The following DAB1 variants were observed in gnomAD, a reference collection of about 807,000 sequenced individuals.
The protein encoded by DAB1 is DAB adaptor protein 1, also known as disabled homolog 1.
Under a neutral mutation model 64.6 loss-of-function variants are expected in DAB1, and 15 were observed. The observed-to-expected ratio is 0.23, with a 90% CI of 0.16 to 0.36. DAB1 has a LOEUF of 0.36. Ranked by LOEUF, DAB1 falls within the 10% of genes least tolerant of loss-of-function variation. The pLI, the probability that DAB1 is intolerant of heterozygous loss-of-function variation, is 1.00. For missense variants in DAB1, 596 were observed against 706.7 expected, an observed-to-expected ratio of 0.84 and a Z score of 1.78; for synonymous variants, 235 against 251.9, an observed-to-expected ratio of 0.93 and a Z score of 0.64.
At chr1:57,105,414 T>C (rs965177938) in intron 4 of DAB1, among the ~76,000 whole-genome samples, 5 of 152,040 alleles carry the variant, frequency 3.3e-5, no homozygotes, top group African/African-American at 1.2e-4. Context: ...TGTGTGTGTA[T>C]TTTCCATCCC....
chr1:58,373,491 A>G (rs1644290377), intron 3 of DAB1, among the ~76,000 whole-genome samples: 1 of 151,492 alleles, frequency 6.6e-6, no homozygotes, highest in African/African-American at 2.4e-5. Context: ...GTCCCTACAA[A>G]GGACATGAAC....
intron 6 of DAB1, among the ~76,000 whole-genome samples, chr1:57,686,850 C>G (rs577963763): frequency 6.6e-6 from 1 of 152,118 alleles, no homozygotes; most frequent in Admixed American, 6.5e-5. Flanking sequence ...ATCCAACATC[C>G]TTTTTTATAA....
intron 3 of DAB1, among the ~76,000 whole-genome samples, chr1:58,392,308 T>C (rs1278627811): frequency 3.3e-5 from 5 of 152,344 alleles, no homozygotes; most frequent in Admixed American, 1.3e-4. Context: ...ATGTAACGGC[T>C]CTGCCATTCT....
At chr1:57,877,509 C>T (rs1644066548) in intron 1 of DAB1, among the ~76,000 whole-genome samples, 1 of 150,600 alleles carries the variant, frequency 6.6e-6, no homozygotes, top group African/African-American at 2.4e-5. Context: ...AGTCATTCTT[C>T]ATTCTGCTTC....
intron 1 of DAB1, among the ~76,000 whole-genome samples, chr1:57,334,538 G>A (rs552541257): frequency 1.3e-5 from 2 of 152,310 alleles, no homozygotes; most frequent in Non-Finnish European, 1.5e-5. Context: ...TGTACCTTAC[G>A]ACATGTTAGG....
chr1:57,541,034 T>C (rs1644796431), intron 7 of DAB1, among the ~76,000 whole-genome samples: 1 of 152,120 alleles, frequency 6.6e-6, no homozygotes, highest in South Asian at 2.1e-4. Flanking sequence ...TCCGAAACAC[T>C]CTGACTTGAT....
chr1:57,104,294 G>A (rs1480231893), intron 4 of DAB1, among the ~76,000 whole-genome samples: 1 of 152,006 alleles, frequency 6.6e-6, no homozygotes, highest in Non-Finnish European at 1.5e-5. Context: ...GTCACAAGTG[G>A]CCCAAAGCAG....
intron 1 of DAB1, among the ~76,000 whole-genome samples, chr1:57,345,980 T>C (rs1299597660): frequency 1.3e-5 from 2 of 152,230 alleles, no homozygotes; most frequent in Non-Finnish European, 2.9e-5. Flanking sequence ...AAACATGGCT[T>C]ATGTGGATAT....
At chr1:57,171,548 C>A (rs1431039983) in intron 2 of DAB1, among the ~76,000 whole-genome samples, 1 of 152,182 alleles carries the variant, frequency 6.6e-6, no homozygotes, top group Non-Finnish European at 1.5e-5. Flanking sequence ...ATGTTTATAT[C>A]TGCTGTTCCT....
At chr1:58,264,257 T>C (rs1006300450) in intron 4 of DAB1, among the ~76,000 whole-genome samples, 28 of 152,214 alleles carry the variant, frequency 1.8e-4, no homozygotes, top group African/African-American at 6.3e-4. Context: ...TTATTAAATA[T>C]GTGATATTGG....
chr1:57,753,292 C>T (rs575294567), intron 6 of DAB1, among the ~76,000 whole-genome samples: 1 of 152,296 alleles, frequency 6.6e-6, no homozygotes, highest in East Asian at 1.9e-4. Flanking sequence ...TGGAAATGTA[C>T]CTGCTACCCT....
chr1:57,492,098 A>C (rs969184598), intron 7 of DAB1, among the ~76,000 whole-genome samples: 10 of 152,348 alleles, frequency 6.6e-5, no homozygotes, highest in African/African-American at 2.2e-4. Context: ...TCAAACTAAG[A>C]GATCTGTGTT....
At chr1:58,367,360 G>C (rs1464239076) in intron 3 of DAB1, among the ~76,000 whole-genome samples, 2 of 152,188 alleles carry the variant, frequency 1.3e-5, no homozygotes, top group African/African-American at 4.8e-5. Context: ...TACTTAGACA[G>C]AACACTTCAT....
At chr1:57,553,460 G>GAAAGAAAGAAAGAA (rs1553193783) in intron 7 of DAB1, among the ~76,000 whole-genome samples, 1 of 92,878 alleles carries the variant, frequency 1.1e-5, no homozygotes, top group African/African-American at 4.1e-5. Context: ...AAGAAAGAAA[G>GAAAGAAAGAAAGAA]AGAAAGGGAA....
intron 1 of DAB1, among the ~76,000 whole-genome samples, chr1:57,369,128 C>A (rs999733421): frequency 4.6e-5 from 7 of 152,190 alleles, no homozygotes; most frequent in African/African-American, 1.2e-4. Flanking sequence ...TTCAGGGTTG[C>A]ATCCTGCCTC....
At chr1:57,710,651 G>C (rs921360390) in intron 6 of DAB1, among the ~76,000 whole-genome samples, 5 of 147,768 alleles carry the variant, frequency 3.4e-5, no homozygotes, top group Admixed American at 6.7e-5. Context: ...GTTTTTTTTG[G>C]GGGGGGGAGG....
chr1:57,478,222 A>C (rs1384981131), intron 7 of DAB1, among the ~76,000 whole-genome samples: 1 of 152,194 alleles, frequency 6.6e-6, no homozygotes, highest in African/African-American at 2.4e-5. Context: ...CAGTAGTTAC[A>C]GAATTAGAAA....
chr1:58,451,920 CT>C lies in DAB1; in HGVS notation n.257+54139del, dbSNP rs34824870. On this transcript the variant is annotated intron_variant and non_coding_transcript_variant, in intron 3 of 20. Transcript: ENST00000485760. The stretch of plus-strand genomic sequence containing the variant: ...GCAAAGCATCCACTTTTTTTCTTTC[CT>C]TTTTTTTTTTTTTTTGACGGAGTTT... Among the ~76,000 whole-genome samples, 381 of 137,926 alleles carry C rather than the reference CT, an allele frequency of 2.8e-3. 1 individual carries two copies. The highest frequency in any genetic ancestry group is 0.024 in the South Asian group (105 of 4,356). 90.5% of individuals were successfully genotyped at this position (137,926 alleles called of 152,430 possible).
At chr1:58,159,432 GA>G (rs1349798842) in intron 4 of DAB1, among the ~76,000 whole-genome samples, 1 of 152,216 alleles carries the variant, frequency 6.6e-6, no homozygotes, top group Non-Finnish European at 1.5e-5. Flanking sequence ...AAAACAAATT[GA>G]TGGTCAGAAT....
Sources: allele counts gnomAD v4.1 joint callset (sites outside exome capture counted in the v4.1 genomes callset), GRCh38; gene constraint gnomAD v4.1.1; transcripts MANE v1.5; gene names NCBI Gene and HGNC (gene_info 2026-07-23, HGNC 2026-07-21).